Variants in LASP1 observed in about 807,000 individuals in gnomAD.
LASP1 encodes the protein LIM and SH3 domain protein 1.
Under a neutral mutation model 38.6 loss-of-function variants are expected in LASP1, and 10 were observed. The ratio of observed to expected loss-of-function variants is 0.26; its 90% CI spans 0.16 to 0.44. The LOEUF is 0.44. Among genes scored for constraint, LASP1 ranks in the 20% least tolerant of loss-of-function variants. The pLI is 1.00. For synonymous variants in LASP1, 132 were observed against 140.8 expected, an observed-to-expected ratio of 0.94 and a Z score of 0.44; for missense variants, 243 against 375.7, an observed-to-expected ratio of 0.65 and a Z score of 2.92.
In LASP1 at chr17:38,919,840, T is replaced by C. The variant is rs139578637; in HGVS notation, c.*1062T>C. On this transcript the variant is annotated 3_prime_UTR_variant, in exon 7 of 7. Coordinates refer to ENST00000318008, the MANE Select transcript of LASP1 (RefSeq NM_006148.4). ...GACCTGGTGTGCGGAGGCAGGAGCA[T>C]GTATGTCTGCAGGTGTCTGACACGC... 6 of 454,498 alleles carry C rather than the reference T, an allele frequency of 1.3e-5. No homozygotes were observed. The highest frequency in any genetic ancestry group is 2.6e-5 in the Non-Finnish European group (6 of 234,882). The allele number at this position is 454,498 out of a possible 1,614,324, so 28.2% of individuals were successfully genotyped here.
intron 2 of LASP1, among the ~76,000 whole-genome samples, chr17:38,882,317 C>T (rs1392593911): frequency 2.0e-5 from 3 of 152,236 alleles, no homozygotes; most frequent in South Asian, 2.1e-4. Context: ...GTGCGATCTC[C>T]GCTCACTACA....
Position 38,918,828 on chromosome 17 carries a change from G to T in LASP1, c.*50G>T. ...CAGCACATTCCACGGCATCGCATCC[G>T]TCCTGGGCGTGACCCGTCCATTCTT... On this transcript the variant is annotated 3_prime_UTR_variant, in exon 7 of 7. Transcript: ENST00000318008. The surrounding 1 kb of genome is among the most constrained non-coding windows in gnomAD (Gnocchi z 4.4). 6.3e-7 allele frequency: 1 copy of T among 1,591,044 alleles called. No homozygotes were observed.
At chr17:38,904,109 A>G (rs993321118) in intron 4 of LASP1, among the ~76,000 whole-genome samples, 7 of 152,208 alleles carry the variant, frequency 4.6e-5, no homozygotes, top group African/African-American at 1.7e-4. Context: ...TACAATAAAC[A>G]CCTGTTTCAC....
chr17:38,908,951 G>A (rs984977065), intron 4 of LASP1, among the ~76,000 whole-genome samples: 1 of 152,232 alleles, frequency 6.6e-6, no homozygotes, highest in African/African-American at 2.4e-5. Context: ...ATGGGGCAGG[G>A]GCGTTCCAGG....
intron 4 of LASP1, among the ~76,000 whole-genome samples, chr17:38,913,875 G>A (rs932312042): frequency 6.6e-5 from 10 of 152,140 alleles, no homozygotes; most frequent in Middle Eastern, 3.4e-3. Flanking sequence ...AGTGGCAGGC[G>A]CCTGTAATCC....
intron 4 of LASP1, among the ~76,000 whole-genome samples, chr17:38,906,527 A>T (rs566419282): frequency 6.6e-6 from 1 of 151,118 alleles, no homozygotes; most frequent in African/African-American, 2.4e-5. Flanking sequence ...AGACTGTCTC[A>T]AAATAAATAA....
intron 2 of LASP1, 100 bp from the exon 3 acceptor site, chr17:38,890,320 G>A (rs1311697680): frequency 1.8e-6 from 2 of 1,111,946 alleles, no homozygotes; most frequent in Non-Finnish European, 2.7e-6. Flanking sequence ...GCGTGCCCAA[G>A]CATAGGACGA....
At chr17:38,911,541 C>T (rs1914942969) in intron 4 of LASP1, among the ~76,000 whole-genome samples, 1 of 152,206 alleles carries the variant, frequency 6.6e-6, no homozygotes, top group South Asian at 2.1e-4. Flanking sequence ...TGTCTTCCCC[C>T]ACCACCCCAG....
chr17:38,915,836 C>T (rs1915105927), intron 6 of LASP1: 1 of 152,268 alleles, frequency 6.6e-6, no homozygotes, highest in Non-Finnish European at 1.5e-5. Context: ...CTGAGCCACC[C>T]TTACCAAGCT....
intron 4 of LASP1, among the ~76,000 whole-genome samples, chr17:38,901,790 G>C (rs1316935514): frequency 6.6e-6 from 1 of 152,040 alleles, no homozygotes. Context: ...TTTTGAGACG[G>C]AGCCTTGGTT....
chr17:38,875,056 C>CGTGTGT (rs3220064), intron 1 of LASP1, among the ~76,000 whole-genome samples: 3,847 of 140,400 alleles, frequency 0.027, 188 homozygotes, highest in African/African-American at 0.095. Context: ...TGTAGCCCTT[C>CGTGTGT]GTGTGTGTGT....
At chr17:38,895,978 C>T (rs1954556271) in intron 3 of LASP1, among the ~76,000 whole-genome samples, 2 of 152,140 alleles carry the variant, frequency 1.3e-5, no homozygotes, top group East Asian at 1.9e-4. Context: ...GTCCTCTGAC[C>T]GAAGCGCTGA....
chr17:38,871,575 G>A (rs1040219125), intron 1 of LASP1, among the ~76,000 whole-genome samples: 9 of 152,118 alleles, frequency 5.9e-5, no homozygotes, highest in African/African-American at 2.2e-4. Context: ...CTGGAGCCAG[G>A]TTTTGTTCAG....
intron 3 of LASP1, among the ~76,000 whole-genome samples, chr17:38,893,378 C>T (rs1914397065): frequency 6.6e-6 from 1 of 152,194 alleles, no homozygotes; most frequent in Admixed American, 6.5e-5. Context: ...TTTTGACTCC[C>T]CCGTGATTCT....
chr17:38,870,819 C>T (rs1017550718), intron 1 of LASP1, among the ~76,000 whole-genome samples: 1 of 152,184 alleles, frequency 6.6e-6, no homozygotes, highest in Admixed American at 6.5e-5. Flanking sequence ...GGTAAGGACC[C>T]GGGCTCTGCC....
chr17:38,918,527 G>A lies in LASP1; in HGVS notation c.613-78G>A, dbSNP rs576685724. The A allele has an allele frequency of 1.1e-5, 15 of 1,425,434 alleles. No homozygotes were observed. Among genetic ancestry groups the A allele is most frequent in the African/African-American group, 7.1e-5 (5 of 70,434 alleles). 88.3% of individuals were successfully genotyped at this position (1,425,434 alleles called of 1,614,324 possible). A position where few individuals can be genotyped will look rare whatever the true frequency, so the allele number is the denominator to read the frequency against. ...CTCCCCCAGGCTCTGCTCCAGGGTCGTGGAGAGTTAGAAAAAAATGCTCAG... is the reference window on the plus strand; with the variant it reads ...CTCCCCCAGGCTCTGCTCCAGGGTCATGGAGAGTTAGAAAAAAATGCTCAG... On this transcript the variant is annotated intron_variant, in intron 6 of 6. Transcript: ENST00000318008. This position sits in a 1 kb window ranked among gnomAD's most constrained non-coding sequence, Gnocchi z 4.4.
intron 4 of LASP1, among the ~76,000 whole-genome samples, chr17:38,899,535 G>A (rs905434025): frequency 6.6e-6 from 1 of 152,206 alleles, no homozygotes; most frequent in African/African-American, 2.4e-5. Context: ...GTGGGCTGCA[G>A]TGGTGGGTCA....
chr17:38,891,215 G>C (rs1914311884), intron 3 of LASP1, among the ~76,000 whole-genome samples: 1 of 151,894 alleles, frequency 6.6e-6, no homozygotes, highest in South Asian at 2.1e-4. Context: ...GGGTGGGGCG[G>C]GGCTTCAGCC....
chr17:38,904,149 G>A (rs895881046), intron 4 of LASP1, among the ~76,000 whole-genome samples: 4 of 152,082 alleles, frequency 2.6e-5, no homozygotes, highest in East Asian at 1.9e-4. Context: ...TTGTATTACT[G>A]TATGCCTGTC....
Sources: allele counts gnomAD v4.1 joint callset (sites outside exome capture counted in the v4.1 genomes callset), GRCh38; gene constraint gnomAD v4.1.1; non-coding constraint Gnocchi (gnomAD v3.1); transcripts MANE v1.5; gene names NCBI Gene and HGNC (gene_info 2026-07-23, HGNC 2026-07-21).